LAMC3: variants seen among roughly 807,000 people sequenced by gnomAD.
The protein encoded by LAMC3 is laminin subunit gamma-3.
In LAMC3, 128 loss-of-function variants were observed where a neutral mutation model predicts 173.8. The observed-to-expected ratio is 0.74, with a 90% confidence interval of 0.64 to 0.85. The LOEUF is 0.85. Among genes scored for constraint, LAMC3 ranks in the 40% least tolerant of loss-of-function variants. LAMC3 has a pLI of 0.00. For synonymous variants in LAMC3, 897 were observed against 909.1 expected (o/e 0.99, Z 0.24); for missense variants, 2,022 against 2,156.0 (o/e 0.94, Z 1.23).
At position 131,028,981 on chromosome 9, in the gene LAMC3, C is replaced by T. The variant is rs1397137806; in HGVS notation, c.678+2392C>T. On this transcript the variant is annotated intron_variant, in intron 2 of 27. Transcript: ENST00000361069. ...CCTGGCCTGAAGTCCAGGGTTTTTA[C>T]TGGAGGCTGGCAGTGTAGACACGGC... is the stretch of plus-strand genomic sequence containing the variant. Among the ~76,000 whole-genome samples, 45 of 152,348 alleles carry T rather than the reference C, an allele frequency of 3.0e-4. 1 individual carries two copies. The highest frequency in any genetic ancestry group is 7.3e-5 in the Non-Finnish European group (5 of 68,040).
At chr9:131,016,433 G>C (rs1273108833) in intron 1 of LAMC3, among the ~76,000 whole-genome samples, 1 of 152,206 alleles carries the variant, frequency 6.6e-6, no homozygotes, top group Non-Finnish European at 1.5e-5. Context: ...AAAAGTACAT[G>C]TCAGCCCCGT....
At chr9:131,028,240 C>G (rs1006569018) in intron 2 of LAMC3, among the ~76,000 whole-genome samples, 1 of 152,266 alleles carries the variant, frequency 6.6e-6, no homozygotes, top group Non-Finnish European at 1.5e-5. Context: ...CAGTTTCATC[C>G]CAAACCACCG....
At chr9:131,087,455 C>T in intron 25 of LAMC3, 21 bp from the exon 26 acceptor site, 1 of 1,613,604 alleles carries the variant, frequency 6.2e-7, no homozygotes, top group Middle Eastern at 1.7e-4. Context: ...CTTCTCCCTG[C>T]CACTGCCACC....
intron 8 of LAMC3, among the ~76,000 whole-genome samples, chr9:131,046,882 CG>C (rs5900916): frequency 0.26 from 39,899 of 151,936 alleles, 5,541 homozygotes; most frequent in South Asian, 0.33. Flanking sequence ...GACGCTGGGG[CG>C]GCCCCAGACA....
chr9:131,011,000 C>T (rs1002007498), intron 1 of LAMC3, among the ~76,000 whole-genome samples: 5 of 152,200 alleles, frequency 3.3e-5, no homozygotes, highest in Non-Finnish European at 7.3e-5. Flanking sequence ...CCCTTATCTT[C>T]GAGGTCAGCC....
chr9:131,075,943 A>T lies in LAMC3; in HGVS notation c.3607A>T (p.Thr1203Ser), dbSNP rs141639990. The change falls in exon 21 of 28, where the codon ACC (threonine) becomes TCC (serine). Residue 1203 changes from threonine to serine, a missense_variant. Coordinates refer to ENST00000361069, the MANE Select transcript of LAMC3 (RefSeq NM_006059.4). ...NLLEGRVALETQRDLEDRYQE... is the reference protein window; with the variant it reads ...NLLEGRVALESQRDLEDRYQE... Reference sequence around the variant, plus strand: ...GCTGGAGGGAAGGGTGGCCCTAGAGACCCAGCGGGACCTGGAGGACAGGTG... The same window carrying T: ...GCTGGAGGGAAGGGTGGCCCTAGAGTCCCAGCGGGACCTGGAGGACAGGTG... The T allele has an allele frequency of 1.2e-5, 19 of 1,608,950 alleles. No homozygotes were observed. In the African/African-American group the frequency reaches 1.6e-4, roughly 14 times the overall value.
chr9:131,016,441 C>T (rs881677), intron 1 of LAMC3, among the ~76,000 whole-genome samples: 33,975 of 152,186 alleles, frequency 0.22, 6,565 homozygotes, highest in African/African-American at 0.53. Flanking sequence ...ATGTCAGCCC[C>T]GTGGGAAGGC....
At chr9:131,012,510 C>T (rs550272129) in intron 1 of LAMC3, among the ~76,000 whole-genome samples, 9 of 152,254 alleles carry the variant, frequency 5.9e-5, no homozygotes, top group African/African-American at 2.2e-4. Context: ...TCCCGGCCGC[C>T]CTGCCTCCTC....
chr9:131,048,701 G>T (rs1834223603), intron 8 of LAMC3, among the ~76,000 whole-genome samples: 1 of 152,168 alleles, frequency 6.6e-6, no homozygotes, highest in Non-Finnish European at 1.5e-5. Flanking sequence ...GAAGGACAGG[G>T]TTCATGAGGT....
chr9:131,041,065 TAGAC>T (rs1292567166), intron 6 of LAMC3, among the ~76,000 whole-genome samples: 2 of 151,872 alleles, frequency 1.3e-5, no homozygotes, highest in Admixed American at 6.6e-5. Context: ...AGTGAGGGGA[TAGAC>T]AGAAAGATTC....
chr9:131,033,051 C>G (rs1273831200), intron 3 of LAMC3, among the ~76,000 whole-genome samples: 2 of 152,192 alleles, frequency 1.3e-5, no homozygotes, highest in Non-Finnish European at 2.9e-5. Flanking sequence ...TGGTCCTGGT[C>G]CTATGCGCCA....
intron 13 of LAMC3, among the ~76,000 whole-genome samples, chr9:131,063,950 C>G (rs1268768587): frequency 1.3e-5 from 2 of 152,140 alleles, no homozygotes; most frequent in Non-Finnish European, 2.9e-5. Flanking sequence ...CTCTGTCCCC[C>G]AGGCTGGAGT....
chr9:131,091,348 A>G (rs1265596362), intron 27 of LAMC3, among the ~76,000 whole-genome samples, 189 bp from the exon 28 acceptor site: 1 of 152,236 alleles, frequency 6.6e-6, no homozygotes, highest in Non-Finnish European at 1.5e-5. Context: ...GAGTCTGCCC[A>G]TGGGCCCGTT....
chr9:131,028,188 G>A (rs1026573169), intron 2 of LAMC3, among the ~76,000 whole-genome samples: 11 of 152,188 alleles, frequency 7.2e-5, no homozygotes, highest in African/African-American at 2.2e-4. Flanking sequence ...ACTGGGTTGC[G>A]TGTCCTCCTG....
At chr9:131,067,515 G>C (rs537578108) in intron 14 of LAMC3, among the ~76,000 whole-genome samples, 1 of 152,086 alleles carries the variant, frequency 6.6e-6, no homozygotes, top group African/African-American at 2.4e-5. Flanking sequence ...GCCCTGCGCC[G>C]GGTCTCCATG....
At chr9:131,035,890 G>A (rs1462285479) in intron 3 of LAMC3, among the ~76,000 whole-genome samples, 1 of 152,176 alleles carries the variant, frequency 6.6e-6, no homozygotes, top group Admixed American at 6.5e-5. Flanking sequence ...CTAGCTGGTG[G>A]CTTTGGGCAG....
intron 23 of LAMC3, 49 bp downstream of exon 23, chr9:131,079,347 C>T: frequency 6.2e-7 from 1 of 1,608,506 alleles, no homozygotes; most frequent in Non-Finnish European, 8.5e-7. Flanking sequence ...GTTGGGGCTA[C>T]CCTGAAGGTG....
chr9:131,031,114 C>T (rs1833815565), intron 2 of LAMC3, among the ~76,000 whole-genome samples: 1 of 152,242 alleles, frequency 6.6e-6, no homozygotes, highest in Admixed American at 6.5e-5. Flanking sequence ...TCTCGGGGAG[C>T]AGGAGGGCCG....
chr9:131,075,885 C>T lies in LAMC3; in HGVS notation c.3549C>T (p.Ala1183=), dbSNP rs1194633950. 1 of 1,612,620 alleles carries T rather than the reference C, an allele frequency of 6.2e-7. No individual in the cohort carries two copies. The highest frequency in any genetic ancestry group is 2.2e-5 in the East Asian group (1 of 44,812). Residue 1183 remains alanine (A), a synonymous_variant, in exon 21 of 28, where the codon GCC becomes GCT. Coordinates refer to ENST00000361069, the MANE Select transcript of LAMC3 (RefSeq NM_006059.4). ...CCACTGCTTGGAGGGCCCTGCTCGC[C>T]TCCAACACCAGCTACGCGCTTCTCT... The part of the protein sequence containing the change: ...IAATAWRALL[A]SNTSYALLWN...
Sources: gnomAD v4.1 joint callset for allele counts (sites outside exome capture counted in the v4.1 genomes callset) on GRCh38, gnomAD v4.1.1 for gene constraint, MANE v1.5 for transcripts, NCBI Gene and HGNC (gene_info 2026-07-23, HGNC 2026-07-21) for gene names.